The following CNKSR2 variants were observed in gnomAD, a reference collection of about 807,000 sequenced individuals.
The protein encoded by CNKSR2 is connector enhancer of kinase suppressor of Ras 2, also known as CNK homolog protein 2.
Under a neutral mutation model 84.4 loss-of-function variants are expected in CNKSR2, and 14 were observed. The ratio of observed to expected loss-of-function variants is 0.17; its 90% CI spans 0.11 to 0.26. CNKSR2 has a LOEUF of 0.26. Among genes scored for constraint, CNKSR2 ranks in the 10% least tolerant of loss-of-function variants. The probability of loss-of-function intolerance (pLI) is 1.00; values close to 1 mark genes in which losing one functional copy is unlikely to be tolerated. For synonymous variants in CNKSR2, 275 were observed against 277.9 expected (o/e 0.99, Z 0.10); for missense variants, 485 against 771.2 (o/e 0.63, Z 4.40).
intron 1 of CNKSR2, among the ~76,000 whole-genome samples, chrX:21,394,929 G>C (rs1395416770): frequency 9.0e-6 from 1 of 111,317 alleles, no homozygotes; most frequent in Non-Finnish European, 1.9e-5. Context: ...GAACCAATTC[G>C]TTTCAGCTTG....
chrX:21,475,113 A>G (rs1278383208), intron 5 of CNKSR2, among the ~76,000 whole-genome samples: 1 of 112,080 alleles, frequency 8.9e-6, no homozygotes, highest in African/African-American at 3.2e-5. Flanking sequence ...AATTAGATCT[A>G]CTACTTGATA....
intron 13 of CNKSR2, among the ~76,000 whole-genome samples, chrX:21,588,720 C>G (rs1182029890): frequency 2.7e-5 from 3 of 111,805 alleles, no homozygotes; most frequent in Non-Finnish European, 3.8e-5. Context: ...AGTAGACATT[C>G]AGGTTCTACA....
At chrX:21,508,324 T>G (rs749812978) in intron 8 of CNKSR2, among the ~76,000 whole-genome samples, 1 of 112,119 alleles carries the variant, frequency 8.9e-6, no homozygotes, top group East Asian at 2.8e-4. Context: ...AGTGAGACTC[T>G]GTCTCAAAAA....
At chrX:21,563,158 C>CTAA (rs112985079) in intron 12 of CNKSR2, 80 bp from the exon 13 acceptor site, 34,829 of 798,732 alleles carry the variant, frequency 0.044, 798 homozygotes, top group African/African-American at 0.13. Context: ...TTGCGCCAAC[C>CTAA]TAATAGCACA....
chrX:21,404,120 T>C (rs983335865), intron 1 of CNKSR2, among the ~76,000 whole-genome samples: 1 of 111,617 alleles, frequency 9.0e-6, no homozygotes, highest in Admixed American at 9.5e-5. Flanking sequence ...GAATTTGCTT[T>C]GAAGAAAAAA....
At chrX:21,376,576 A>G (rs1479077091) in intron 1 of CNKSR2, among the ~76,000 whole-genome samples, 1 of 111,793 alleles carries the variant, frequency 8.9e-6, no homozygotes, top group Non-Finnish European at 1.9e-5. Context: ...AAATTCCAAT[A>G]TCTTAGATTC....
At chrX:21,402,059 C>T (rs1360168654) in intron 1 of CNKSR2, among the ~76,000 whole-genome samples, 1 of 111,220 alleles carries the variant, frequency 9.0e-6, no homozygotes, top group Non-Finnish European at 1.9e-5. Context: ...AATAAGAACA[C>T]CTACCCAATA....
intron 11 of CNKSR2, among the ~76,000 whole-genome samples, chrX:21,532,379 G>GT (rs1296157553): frequency 9.1e-6 from 1 of 110,191 alleles, no homozygotes; most frequent in Non-Finnish European, 1.9e-5. Flanking sequence ...AAATTCAAGT[G>GT]TTTTTTTATT....
intron 9 of CNKSR2, among the ~76,000 whole-genome samples, chrX:21,520,399 T>C (rs947973436): frequency 9.0e-6 from 1 of 110,737 alleles, no homozygotes; most frequent in Non-Finnish European, 1.9e-5. Flanking sequence ...TTTCAAAACA[T>C]CTTTTCAGTG....
intron 5 of CNKSR2, among the ~76,000 whole-genome samples, chrX:21,482,829 T>C (rs2091335902): frequency 9.0e-6 from 1 of 111,547 alleles, no homozygotes; most frequent in Non-Finnish European, 1.9e-5. Context: ...TAATGAAGGC[T>C]GGTGATTTTT....
intron 11 of CNKSR2, among the ~76,000 whole-genome samples, chrX:21,552,293 A>G (rs1041740130): frequency 9.0e-6 from 1 of 111,423 alleles, no homozygotes; most frequent in Non-Finnish European, 1.9e-5. Context: ...AGTTTTACAT[A>G]TTTTAGGCCC....
chrX:21,532,468 T>C (rs1423757214), intron 11 of CNKSR2, among the ~76,000 whole-genome samples: 1 of 110,684 alleles, frequency 9.0e-6, no homozygotes, highest in African/African-American at 3.3e-5. Context: ...TCCTCAGGGA[T>C]TTTAAGAAAT....
At chrX:21,559,540 G>T (rs991965341) in intron 11 of CNKSR2, among the ~76,000 whole-genome samples, 1 of 111,398 alleles carries the variant, frequency 9.0e-6, no homozygotes, top group African/African-American at 3.3e-5. Context: ...TGAACAAAGG[G>T]TCGGTCTGAG....
chrX:21,586,837 A>C (rs1281951745), intron 13 of CNKSR2, among the ~76,000 whole-genome samples: 2 of 111,887 alleles, frequency 1.8e-5, no homozygotes, highest in East Asian at 5.6e-4. Context: ...GGAAGACAGT[A>C]AAATGAATTC....
chrX:21,568,325 T>G lies in CNKSR2; in HGVS notation c.1608+4873T>G, dbSNP rs756310869. Among the ~76,000 whole-genome samples the G allele has an allele frequency of 1.6e-4, 18 of 111,802 alleles. No homozygotes were observed. The South Asian group carries it at 6.7e-3, about 42-fold the overall frequency. ...TGATAATAATAATAGTCATTTATTT[T>G]AAGTCTACATGCTGAGATGCCAGAA... On this transcript the variant is annotated intron_variant, in intron 13 of 21. Transcript: ENST00000379510.
chrX:21,465,479 A>G (rs2091114976), intron 4 of CNKSR2, among the ~76,000 whole-genome samples: 2 of 111,673 alleles, frequency 1.8e-5, no homozygotes, highest in Admixed American at 9.6e-5. Context: ...TTTTGATAAT[A>G]ATAGAATATG....
At chrX:21,456,576 G>T (rs963549232) in intron 4 of CNKSR2, among the ~76,000 whole-genome samples, 13 of 111,525 alleles carry the variant, frequency 1.2e-4, no homozygotes, top group Non-Finnish European at 2.1e-4. Context: ...ATATTTCATT[G>T]TGTGTGTGTA....
At chrX:21,595,440 T>C (rs776907428) in intron 17 of CNKSR2, 45 bp downstream of exon 17, 1 of 741,056 alleles carries the variant, frequency 1.3e-6, no homozygotes, top group Non-Finnish European at 2.0e-6. Flanking sequence ...GGCCTAGAAT[T>C]CTAAATTTTC....
intron 4 of CNKSR2, among the ~76,000 whole-genome samples, chrX:21,451,586 A>G (rs2090929422): frequency 9.4e-6 from 1 of 106,345 alleles, no homozygotes; most frequent in African/African-American, 3.4e-5. Context: ...TTCTCAGTAA[A>G]CTATCGCAAG....
Sources: allele counts gnomAD v4.1 joint callset (sites outside exome capture counted in the v4.1 genomes callset), GRCh38; gene constraint gnomAD v4.1.1; transcripts MANE v1.5; gene names NCBI Gene and HGNC (gene_info 2026-07-23, HGNC 2026-07-21).